TLN2: variants seen among roughly 807,000 people sequenced by gnomAD.
TLN2 encodes the protein talin-2.
In TLN2, 118 loss-of-function variants were observed where a neutral mutation model predicts 294.7. The observed-to-expected ratio is 0.40, with a 90% CI of 0.34 to 0.47. The LOEUF (loss-of-function observed/expected upper bound fraction) is 0.47. Among genes scored for constraint, TLN2 ranks in the 20% least tolerant of loss-of-function variants. TLN2 has a pLI of 0.84. For missense variants in TLN2, 3,083 were observed against 3,282.2 expected, an observed-to-expected ratio of 0.94 and a Z score of 1.48; for synonymous variants, 1,431 against 1,304.5, an observed-to-expected ratio of 1.10 and a Z score of -2.09.
At chr15:62,716,699 A>AT (rs889684497) in intron 23 of TLN2, among the ~76,000 whole-genome samples, 15 of 151,768 alleles carry the variant, frequency 9.9e-5, no homozygotes, top group Admixed American at 1.3e-4. Flanking sequence ...GAGGAACCAG[A>AT]TTTTTTTTTC....
In TLN2 at chr15:62,738,267, G is replaced by A. The variant is rs187398647; in HGVS notation, c.3621G>A (p.Gly1207=). 2 of 1,614,176 alleles carry A rather than the reference G, an allele frequency of 1.2e-6. No individual in the cohort carries two copies. The highest frequency in any genetic ancestry group is 2.2e-5 in the East Asian group (1 of 44,884). The change falls in exon 30 of 59, where the codon GGG becomes GGA. Residue 1207 remains glycine, a synonymous_variant. Transcript: ENST00000636159. ...ATAACTGCGTAAATTGCCTCCCTGGGCAGAAGGATGTGGACGTGGCCTTGA... is the reference window on the plus strand; with the variant it reads ...ATAACTGCGTAAATTGCCTCCCTGGACAGAAGGATGTGGACGTGGCCTTGA... ...SLNNCVNCLP[G]QKDVDVALKS...
intron 1 of TLN2, among the ~76,000 whole-genome samples, chr15:62,549,079 G>A (rs757122092): frequency 1.3e-5 from 2 of 152,094 alleles, no homozygotes; most frequent in Non-Finnish European, 2.9e-5. Context: ...TGCTTTAGCT[G>A]TTTAGTAGGA....
chr15:62,394,041 G>T (rs922773988), intron 1 of TLN2, among the ~76,000 whole-genome samples: 3 of 152,174 alleles, frequency 2.0e-5, no homozygotes, highest in Non-Finnish European at 4.4e-5. Context: ...CTCCCAGAGT[G>T]CTGGGATTAC....
chr15:62,678,249 A>T (rs903295673), intron 11 of TLN2, among the ~76,000 whole-genome samples: 14 of 152,204 alleles, frequency 9.2e-5, no homozygotes, highest in African/African-American at 3.1e-4. Context: ...TGTTTTTAAT[A>T]TAATTTATGT....
intron 1 of TLN2, among the ~76,000 whole-genome samples, chr15:62,408,637 A>G (rs2033574927): frequency 6.6e-6 from 1 of 152,230 alleles, no homozygotes; most frequent in African/African-American, 2.4e-5. Context: ...GTGATTATAT[A>G]GTAAAATACA....
intron 1 of TLN2, among the ~76,000 whole-genome samples, chr15:62,443,643 C>G (rs1165917285): frequency 6.6e-6 from 1 of 152,184 alleles, no homozygotes; most frequent in African/African-American, 2.4e-5. Flanking sequence ...ACATTCCTCC[C>G]TCATTTTCCC....
chr15:62,605,542 A>G (rs189709389), intron 2 of TLN2, among the ~76,000 whole-genome samples: 4 of 152,222 alleles, frequency 2.6e-5, no homozygotes, highest in Non-Finnish European at 5.9e-5. Context: ...CCCCAGCACC[A>G]TCTTTTCCTA....
At chr15:62,757,378 T>C (rs961998600) in intron 37 of TLN2, among the ~76,000 whole-genome samples, 1 of 152,114 alleles carries the variant, frequency 6.6e-6, no homozygotes, top group Non-Finnish European at 1.5e-5. Context: ...AGCGATAGAG[T>C]TGACAGCAGT....
At chr15:62,750,605 G>A in intron 34 of TLN2, 114 bp downstream of exon 34, 1 of 857,750 alleles carries the variant, frequency 1.2e-6, no homozygotes, top group Non-Finnish European at 2.0e-6. Flanking sequence ...CTAGCCACAT[G>A]TAGCATGAAG....
chr15:62,691,713 A>C (rs1401654143), intron 12 of TLN2, among the ~76,000 whole-genome samples: 2 of 151,542 alleles, frequency 1.3e-5, no homozygotes, highest in Non-Finnish European at 2.9e-5. Context: ...ACAGTCTCTC[A>C]CTCTGTTGCC....
intron 2 of TLN2, among the ~76,000 whole-genome samples, chr15:62,590,785 C>T (rs560570485): frequency 1.3e-5 from 2 of 152,140 alleles, no homozygotes; most frequent in Non-Finnish European, 2.9e-5. Flanking sequence ...TTAGTTGATG[C>T]TCTTACTCGG....
chr15:62,803,918 G>A (rs1418904001), intron 50 of TLN2, among the ~76,000 whole-genome samples: 1 of 152,162 alleles, frequency 6.6e-6, no homozygotes, highest in African/African-American at 2.4e-5. Flanking sequence ...GCTTGTTTGT[G>A]CCTGTCTTTC....
chr15:62,582,247 C>CACACACACAT lies in TLN2; in HGVS notation c.-237-7439_-237-7438insCACACACATA, dbSNP rs1412650912. 8.6e-4 allele frequency among the ~76,000 whole-genome samples: 89 copies of CACACACACAT among 103,204 alleles called. 2 individuals are homozygous for CACACACACAT. In the Middle Eastern group the frequency reaches 0.019, roughly 22 times the overall value. The allele number at this position is 103,204 out of a possible 152,430, so 67.7% of individuals were successfully genotyped here. The stretch of plus-strand genomic sequence containing the variant: ...ACACACACACACACACACACACACA[C>CACACACACAT]ATTCATGCCTGACCCATTCCTGACC... On this transcript the variant is annotated intron_variant, in intron 1 of 58. Transcript: ENST00000636159.
At chr15:62,708,444 A>G in intron 20 of TLN2, 58 bp from the exon 21 acceptor site, 1 of 1,572,216 alleles carries the variant, frequency 6.4e-7, no homozygotes, top group Non-Finnish European at 8.7e-7. Context: ...GCGGGGGCAC[A>G]TGGAGAGGGA....
At chr15:62,428,760 A>G (rs1377168858) in intron 1 of TLN2, among the ~76,000 whole-genome samples, 2 of 152,222 alleles carry the variant, frequency 1.3e-5, no homozygotes, top group African/African-American at 4.8e-5. Context: ...ATACTGATGC[A>G]TGTGCCAGGT....
chr15:62,815,334 C>G (rs1328387389), intron 52 of TLN2, among the ~76,000 whole-genome samples: 2 of 151,958 alleles, frequency 1.3e-5, no homozygotes, highest in Non-Finnish European at 2.9e-5. Flanking sequence ...TTGACTAAAA[C>G]CAGACTGTAC....
chr15:62,549,117 TTTAA>T (rs2042148137), intron 1 of TLN2, among the ~76,000 whole-genome samples: 2 of 152,146 alleles, frequency 1.3e-5, no homozygotes, highest in Admixed American at 6.5e-5. Context: ...ATTAGCTGCC[TTTAA>T]TTGAGACCCT....
intron 51 of TLN2, among the ~76,000 whole-genome samples, chr15:62,809,338 A>T (rs1434653280): frequency 6.6e-6 from 1 of 152,206 alleles, no homozygotes; most frequent in Non-Finnish European, 1.5e-5. Context: ...TGGTTTGTGT[A>T]TCTCGACTTT....
intron 1 of TLN2, among the ~76,000 whole-genome samples, chr15:62,436,955 C>A (rs893539983): frequency 2.0e-5 from 3 of 152,200 alleles, no homozygotes; most frequent in Non-Finnish European, 4.4e-5. Flanking sequence ...TCTCAGACTC[C>A]CAACCCCAAG....
Sources: allele counts gnomAD v4.1 joint callset (sites outside exome capture counted in the v4.1 genomes callset), GRCh38; gene constraint gnomAD v4.1.1; transcripts MANE v1.5; gene names NCBI Gene and HGNC (gene_info 2026-07-23, HGNC 2026-07-21).